Variants in WWOX observed in about 807,000 individuals in gnomAD.
The protein encoded by WWOX is WW domain-containing oxidoreductase.
Under a neutral mutation model 46.2 loss-of-function variants are expected in WWOX, and 69 were observed. That is an observed-to-expected ratio of 1.49 (90% CI 1.23 to 1.82). The LOEUF (loss-of-function observed/expected upper bound fraction) is 1.82, where lower values mean the gene tolerates loss of function less well. WWOX is among the 40% of genes most tolerant of loss of function. WWOX has a pLI of 0.00. For missense variants in WWOX, 919 were observed against 542.6 expected (o/e 1.69, Z -6.89); for synonymous variants, 359 against 202.6 (o/e 1.77, Z -6.56).
intron 8 of WWOX, among the ~76,000 whole-genome samples, chr16:78,901,701 C>T (rs1330871903): frequency 6.6e-6 from 1 of 152,210 alleles, no homozygotes; most frequent in African/African-American, 2.4e-5. Context: ...GTTGCCCAGG[C>T]TGGTCTTGAA....
intron 5 of WWOX, among the ~76,000 whole-genome samples, chr16:78,334,829 CACAT>C (rs1197436314): frequency 0.028 from 3,618 of 129,592 alleles, 74 homozygotes; most frequent in Admixed American, 0.055. Flanking sequence ...CACACACACA[CACAT>C]ACACACACAC....
At chr16:78,886,216 C>T (rs1392182845) in intron 8 of WWOX, among the ~76,000 whole-genome samples, 4 of 144,254 alleles carry the variant, frequency 2.8e-5, no homozygotes, top group Middle Eastern at 3.6e-3. Flanking sequence ...TGAACCACTG[C>T]GCCTGACTGT....
chr16:78,795,405 A>G (rs1371705484), intron 8 of WWOX, among the ~76,000 whole-genome samples: 1 of 152,290 alleles, frequency 6.6e-6, no homozygotes, highest in Admixed American at 6.5e-5. Flanking sequence ...TAGGATGGAA[A>G]GGAGATCCTT....
intron 8 of WWOX, among the ~76,000 whole-genome samples, chr16:79,062,459 C>T (rs751470986): frequency 6.6e-6 from 1 of 152,008 alleles, no homozygotes; most frequent in Non-Finnish European, 1.5e-5. Context: ...GGACACTTCC[C>T]GGTGCCGTGC....
chr16:79,066,228 C>G (rs1409538552), intron 8 of WWOX, among the ~76,000 whole-genome samples: 3 of 152,150 alleles, frequency 2.0e-5, no homozygotes, highest in Admixed American at 6.5e-5. Flanking sequence ...CCAGAGAGGC[C>G]TCCCTTAAGC....
intron 8 of WWOX, among the ~76,000 whole-genome samples, chr16:78,596,204 C>G (rs773284840): frequency 3.9e-5 from 6 of 152,060 alleles, no homozygotes; most frequent in Non-Finnish European, 5.9e-5. Flanking sequence ...AACATGATAT[C>G]CAAAGTCACC....
intron 4 of WWOX, among the ~76,000 whole-genome samples, chr16:78,116,291 C>G (rs796143264): frequency 7.9e-5 from 12 of 152,250 alleles, no homozygotes; most frequent in African/African-American, 2.6e-4. Flanking sequence ...GCACTTCTTT[C>G]TTAATTTTGA....
chr16:78,257,346 A>G (rs1023605048), intron 5 of WWOX, among the ~76,000 whole-genome samples: 1 of 152,210 alleles, frequency 6.6e-6, no homozygotes, highest in African/African-American at 2.4e-5. Context: ...TGCAACCTGT[A>G]GAGCAGCAGG....
intron 8 of WWOX, among the ~76,000 whole-genome samples, chr16:78,516,563 TATC>T (rs1407058594): frequency 2.0e-5 from 3 of 152,348 alleles, no homozygotes; most frequent in African/African-American, 7.2e-5. Flanking sequence ...ATCTTTAAAA[TATC>T]ATGCATACTT....
At chr16:78,563,727 G>C (rs1033383598) in intron 8 of WWOX, among the ~76,000 whole-genome samples, 1 of 151,976 alleles carries the variant, frequency 6.6e-6, no homozygotes, top group African/African-American at 2.4e-5. Flanking sequence ...TTGTGTCCTG[G>C]TTGGCAGATA....
At chr16:78,970,780 C>T (rs533763753) in intron 8 of WWOX, among the ~76,000 whole-genome samples, 1 of 151,984 alleles carries the variant, frequency 6.6e-6, no homozygotes, top group Non-Finnish European at 1.5e-5. Flanking sequence ...TCTTGGGGGG[C>T]AACTAAACCC....
At chr16:78,918,531 G>C (rs2045304381) in intron 8 of WWOX, among the ~76,000 whole-genome samples, 1 of 152,150 alleles carries the variant, frequency 6.6e-6, no homozygotes, top group Non-Finnish European at 1.5e-5. Flanking sequence ...GCACAGAGAA[G>C]CTGGCTGTTA....
intron 8 of WWOX, among the ~76,000 whole-genome samples, chr16:79,195,428 G>T (rs1024476796): frequency 2.0e-5 from 3 of 152,188 alleles, no homozygotes; most frequent in African/African-American, 4.8e-5. Context: ...AGTGCGTGTT[G>T]CTTTGGTAGG....
intron 8 of WWOX, among the ~76,000 whole-genome samples, chr16:78,628,073 G>C (rs867194926): frequency 8.5e-5 from 13 of 152,164 alleles, no homozygotes; most frequent in African/African-American, 2.4e-4. Flanking sequence ...GATTTTGTAA[G>C]GATTTTCAAG....
chr16:78,943,924 C>T (rs1438629052), intron 8 of WWOX, among the ~76,000 whole-genome samples: 1 of 152,136 alleles, frequency 6.6e-6, no homozygotes, highest in Admixed American at 6.5e-5. Context: ...TTCCTGCTAC[C>T]CAAGGCCTCC....
At chr16:78,109,371 G>A (rs2032353546) in intron 2 of WWOX, among the ~76,000 whole-genome samples, 1 of 151,994 alleles carries the variant, frequency 6.6e-6, no homozygotes, top group Admixed American at 6.6e-5. Context: ...GGATCCAGCT[G>A]AAGAATCAAC....
rs778257312 is a variant in WWOX at position 78,633,849 on chromosome 16, C to G, written c.1056+201097C>G. 2.2e-4 allele frequency among the ~76,000 whole-genome samples: 34 copies of G among 151,842 alleles called. 1 individual carries two copies. Among genetic ancestry groups the G allele is most frequent in the Non-Finnish European group, 1.6e-4 (11 of 68,006 alleles). On this transcript the variant is annotated intron_variant, in intron 8 of 8. Transcript: ENST00000566780. ...GGATTGGGACCTGTTTTCCTTCCCA[C>G]TCACATGTAGGTCACCTACGGGAGC...
intron 8 of WWOX, among the ~76,000 whole-genome samples, chr16:79,137,858 G>A (rs184753793): frequency 1.3e-5 from 2 of 151,988 alleles, no homozygotes; most frequent in Admixed American, 6.6e-5. Flanking sequence ...GGCTGGGTCT[G>A]TGCCTCCACA....
At chr16:78,529,669 G>A (rs765668337) in intron 8 of WWOX, among the ~76,000 whole-genome samples, 8 of 151,826 alleles carry the variant, frequency 5.3e-5, no homozygotes, top group African/African-American at 1.2e-4. Context: ...GGGTTTCACC[G>A]TGTTAGGCAG....
Sources: allele counts gnomAD v4.1 joint callset (sites outside exome capture counted in the v4.1 genomes callset), GRCh38; gene constraint gnomAD v4.1.1; transcripts MANE v1.5; gene names NCBI Gene and HGNC (gene_info 2026-07-23, HGNC 2026-07-21).